CNKSR3: variants seen among roughly 807,000 people sequenced by gnomAD.
CNKSR3 encodes the protein connector enhancer of kinase suppressor of ras 3.
In CNKSR3, 36 loss-of-function variants were observed where a neutral mutation model predicts 67.7. The observed-to-expected ratio is 0.53, with a 90% CI of 0.41 to 0.70. The LOEUF (loss-of-function observed/expected upper bound fraction) is 0.70. Ranked by LOEUF, CNKSR3 falls within the 30% of genes least tolerant of loss-of-function variation. The probability of loss-of-function intolerance (pLI) is 0.00; values close to 1 mark genes in which losing one functional copy is unlikely to be tolerated. For synonymous variants in CNKSR3, 281 were observed against 271.4 expected (o/e 1.04, Z -0.35); for missense variants, 630 against 695.2 (o/e 0.91, Z 1.05).
At chr6:154,412,416 A>G (rs535548795) in intron 10 of CNKSR3, among the ~76,000 whole-genome samples, 2 of 152,198 alleles carry the variant, frequency 1.3e-5, no homozygotes, top group African/African-American at 4.8e-5. Context: ...ATCTCTCACT[A>G]TGTACACAGC....
At chr6:154,415,604 G>C (rs1785009210) in intron 9 of CNKSR3, among the ~76,000 whole-genome samples, 1 of 152,082 alleles carries the variant, frequency 6.6e-6, no homozygotes. Context: ...AATAAATAGG[G>C]ACAAGGATAG....
chr6:154,429,098 G>A (rs973601443), intron 6 of CNKSR3, among the ~76,000 whole-genome samples: 5 of 152,176 alleles, frequency 3.3e-5, no homozygotes, highest in Non-Finnish European at 5.9e-5. Flanking sequence ...TACACCGAAT[G>A]TATCATTGAG....
intron 1 of CNKSR3, among the ~76,000 whole-genome samples, chr6:154,474,427 G>T (rs201320700): frequency 5.8e-4 from 41 of 70,630 alleles, no homozygotes; most frequent in African/African-American, 2.1e-3. Context: ...AAAAAAAAGT[G>T]GGGGGGGGCA....
At chr6:154,499,144 T>C (rs1786933244) in intron 1 of CNKSR3, among the ~76,000 whole-genome samples, 1 of 152,190 alleles carries the variant, frequency 6.6e-6, no homozygotes, top group South Asian at 2.1e-4. Context: ...AACTCTTCCC[T>C]CCCTATTCTG....
At chr6:154,411,193 A>G (rs1434206067) in intron 10 of CNKSR3, 51 bp from the exon 11 acceptor site, 1 of 1,330,460 alleles carries the variant, frequency 7.5e-7, no homozygotes, top group East Asian at 2.3e-5. Context: ...ATGTTCTCAT[A>G]CTGAAGAATT....
chr6:154,509,544 C>G (rs1032628545), intron 1 of CNKSR3, among the ~76,000 whole-genome samples: 1 of 151,310 alleles, frequency 6.6e-6, no homozygotes, highest in Non-Finnish European at 1.5e-5. Context: ...GGCCCTCTCG[C>G]CTTCTCCAAC....
In CNKSR3 at chr6:154,442,325, A is replaced by G. The variant is rs1264410332; in HGVS notation, c.217-35T>C. ...ATAAAATCAAAGAGAAAAATTCAAA[A>G]CAATGCACAATATTCGACAGGGCGC... On this transcript the variant is annotated intron_variant, in intron 2 of 12. Coordinates refer to ENST00000607772, the MANE Select transcript of CNKSR3 (RefSeq NM_173515.4). 4 of 1,579,860 alleles carry G rather than the reference A, an allele frequency of 2.5e-6. No individual in the cohort carries two copies. In the African/African-American group the frequency reaches 5.4e-5, roughly 21 times the overall value.
chr6:154,446,326 C>T (rs750206875), intron 2 of CNKSR3, among the ~76,000 whole-genome samples: 1 of 152,280 alleles, frequency 6.6e-6, no homozygotes, highest in South Asian at 2.1e-4. Flanking sequence ...TAGCTCTGTT[C>T]GTGATCTAAC....
chr6:154,492,838 T>G (rs1403129165), intron 1 of CNKSR3, among the ~76,000 whole-genome samples: 1 of 151,990 alleles, frequency 6.6e-6, no homozygotes, highest in Non-Finnish European at 1.5e-5. Context: ...ACTCTATCCT[T>G]CCAATTCCTT....
chr6:154,431,440 C>CAAAAAAAAAA (rs34060385), intron 5 of CNKSR3, among the ~76,000 whole-genome samples: 1 of 93,564 alleles, frequency 1.1e-5, no homozygotes. Context: ...GAGACTCTGT[C>CAAAAAAAAAA]AAAAAAAAAA....
chr6:154,492,901 A>C (rs560540473), intron 1 of CNKSR3, among the ~76,000 whole-genome samples: 22 of 152,098 alleles, frequency 1.4e-4, no homozygotes, highest in Non-Finnish European at 2.5e-4. Context: ...TCTCTCAGTA[A>C]ATCCTACTGG....
chr6:154,449,427 A>T (rs765993978), intron 2 of CNKSR3, among the ~76,000 whole-genome samples: 2 of 152,126 alleles, frequency 1.3e-5, no homozygotes, highest in Non-Finnish European at 2.9e-5. Context: ...GGCTCAGGTG[A>T]TTCTCTGACC....
intron 7 of CNKSR3, among the ~76,000 whole-genome samples, chr6:154,427,423 G>A (rs573442930): frequency 2.0e-5 from 3 of 152,300 alleles, no homozygotes; most frequent in South Asian, 4.1e-4. Context: ...ACCCAGGGAA[G>A]CTATTCAAAC....
rs1341225543 is a variant in CNKSR3, at chr6:154,399,883, C to T, written c.*6471G>A. 6.6e-6 allele frequency: 1 copy of T among 152,064 alleles called. No homozygotes were observed. Among genetic ancestry groups the T allele is most frequent in the Non-Finnish European group, 1.5e-5 (1 of 68,010 alleles). The allele number at this position is 152,064 out of a possible 1,614,324, so 9.4% of individuals were successfully genotyped here. On this transcript the variant is annotated 3_prime_UTR_variant, in exon 13 of 13. Transcript: ENST00000607772. ...CACCCCTCTAACAATAAAGTTAAAT[C>T]CTCCCCTTTAATGGGTCTAGTCAGT... is the stretch of plus-strand genomic sequence containing the variant.
intron 1 of CNKSR3, among the ~76,000 whole-genome samples, chr6:154,468,059 C>CTT (rs554569457): frequency 1.6e-5 from 2 of 126,688 alleles, no homozygotes; most frequent in African/African-American, 2.9e-5. Flanking sequence ...CACGCCTAGG[C>CTT]TTTTTTTTTT....
rs571967728 is a variant in CNKSR3, at chr6:154,447,299, C to T, written c.216+2796G>A. On this transcript the variant is annotated intron_variant, in intron 2 of 12. Coordinates refer to ENST00000607772, the MANE Select transcript of CNKSR3 (RefSeq NM_173515.4). ...GTACTTGAAGTGTTGCTAGTACAAC[C>T]GAGGAACTGAATTTTTTTTTTATTT... 5.3e-5 allele frequency among the ~76,000 whole-genome samples: 8 copies of T among 152,144 alleles called. No homozygotes were observed. In the East Asian group the frequency reaches 5.8e-4, roughly 11 times the overall value.
At chr6:154,447,389 T>TGCC (rs1785728774) in intron 2 of CNKSR3, among the ~76,000 whole-genome samples, 1 of 152,160 alleles carries the variant, frequency 6.6e-6, no homozygotes, top group Admixed American at 6.5e-5. Flanking sequence ...AGCAGCTCTA[T>TGCC]AATCGGTCTC....
Position 154,442,178 on chromosome 6 carries a change from C to G in CNKSR3, c.329G>C (p.Gly110Ala). Residue 110 changes from glycine to alanine, a missense_variant, in exon 3 of 13, where the codon GGC becomes GCC. Around this residue, in one of 3 missense-constraint regions of CNKSR3, gnomAD observed 189 missense variants for 205.0 expected, o/e 0.92. Coordinates refer to ENST00000607772, the MANE Select transcript of CNKSR3 (RefSeq NM_173515.4). Reference sequence around the variant, plus strand: ...ATTGGGGGCCTTGCGGGAGGTGTTGCCATCGTAAGCGGGACTTTTCCGTCG... The same window carrying G: ...ATTGGGGGCCTTGCGGGAGGTGTTGGCATCGTAAGCGGGACTTTTCCGTCG... ...SSRRKSPAYD[G>A]NTSRKAPNEF... 6.2e-7 allele frequency: 1 copy of G among 1,614,134 alleles called. No individual in the cohort carries two copies. The highest frequency in any genetic ancestry group is 8.5e-7 in the Non-Finnish European group (1 of 1,180,006).
chr6:154,439,209 T>G (rs1290322004), intron 4 of CNKSR3, among the ~76,000 whole-genome samples: 2 of 152,214 alleles, frequency 1.3e-5, no homozygotes, highest in African/African-American at 4.8e-5. Flanking sequence ...TATAAAAGTC[T>G]GCTTATCTAT....
Sources: gnomAD v4.1 joint callset for allele counts (sites outside exome capture counted in the v4.1 genomes callset) on GRCh38, gnomAD v4.1.1 for gene constraint, gnomAD v4.1.1 regional missense constraint, MANE v1.5 for transcripts, NCBI Gene and HGNC (gene_info 2026-07-23, HGNC 2026-07-21) for gene names.